Variants in PCDHGA9 observed in about 807,000 individuals in gnomAD.
The protein encoded by PCDHGA9 is protocadherin gamma-A9.
PCDHGA9 carries 37 observed loss-of-function variants against 62.5 expected under a neutral mutation model. That is an observed-to-expected ratio of 0.59 (90% CI 0.46 to 0.78). The LOEUF is 0.78. Ranked by LOEUF, PCDHGA9 falls within the 30% of genes least tolerant of loss-of-function variation. The pLI is 0.00. For synonymous variants in PCDHGA9, 459 were observed against 484.6 expected (o/e 0.95, Z 0.69); for missense variants, 1,138 against 1,166.2 (o/e 0.98, Z 0.35).
At position 141,403,830 on chromosome 5, in the gene PCDHGA9, A is replaced by G. The variant is rs763794433; in HGVS notation, c.878A>G (p.Gln293Arg). The change falls in exon 1 of 4, where the codon CAG (glutamine) becomes CGG (arginine). Residue 293 changes from glutamine to arginine, a missense_variant. By Grantham distance (43) the Gln-to-Arg change is conservative. Coordinates refer to ENST00000573521, the MANE Select transcript of PCDHGA9 (RefSeq NM_018921.3). ...KINEKQSLLFQLNENTGEIST... is the reference protein window; with the variant it reads ...KINEKQSLLFRLNENTGEIST... ...AATGAAAAACAATCTCTGCTATTCC[A>G]GCTTAATGAAAATACTGGGGAAATA... The G allele has an allele frequency of 3.7e-6, 6 of 1,613,754 alleles. No individual in the cohort carries two copies. In the Admixed American group the frequency reaches 5.0e-5, roughly 13 times the overall value.
chr5:141,404,490 T>G lies in PCDHGA9; in HGVS notation c.1538T>G (p.Val513Gly), dbSNP rs748668164. Residue 513 changes from valine (V) to glycine (G), a missense_variant, in exon 1 of 4, where the codon GTG becomes GGG. Val to Gly is a moderately radical substitution (Grantham distance 109). Transcript: ENST00000573521. ...TYVSINSDTG[V>G]LYALCSFDYE... Reference sequence around the variant, plus strand: ...GTCTCTATTAACTCAGACACTGGTGTGCTGTATGCTCTGTGCTCCTTTGAC... The same window carrying G: ...GTCTCTATTAACTCAGACACTGGTGGGCTGTATGCTCTGTGCTCCTTTGAC... 10 of 1,613,632 alleles carry G rather than the reference T, an allele frequency of 6.2e-6. No homozygotes were observed. The Admixed American group carries it at 1.2e-4, about 19-fold the overall frequency.
rs777924092 is a variant in PCDHGA9 at position 141,487,482 on chromosome 5, A to T, written c.2425-7325A>T. The T allele has an allele frequency of 1.2e-6, 2 of 1,614,164 alleles. No individual in the cohort carries two copies. Among genetic ancestry groups the T allele is most frequent in the South Asian group, 2.2e-5 (2 of 91,086 alleles). ...TTTGTTGATGTGGGAGGCCACTCTCATGGCTGTACACCCTTGGCTTCTGCA... is the reference window on the plus strand; with the variant it reads ...TTTGTTGATGTGGGAGGCCACTCTCTTGGCTGTACACCCTTGGCTTCTGCA... On this transcript the variant is annotated intron_variant, in intron 1 of 3. Coordinates refer to ENST00000573521, the MANE Select transcript of PCDHGA9 (RefSeq NM_018921.3). The surrounding 1 kb of genome is among the most constrained non-coding windows in gnomAD (Gnocchi z 5.0).
chr5:141,511,823 GC>G lies in PCDHGA9; in HGVS notation c.*653del, dbSNP rs2099883963. On this transcript the variant is annotated 3_prime_UTR_variant, in exon 4 of 4. Coordinates refer to ENST00000573521, the MANE Select transcript of PCDHGA9 (RefSeq NM_018921.3). The stretch of plus-strand genomic sequence containing the variant: ...TTTTGCTACCAAGCCTCTTCCCAAC[GC>G]CCTGGGGACCAGTCTTCTGTTTTGT... The G allele has an allele frequency of 6.4e-6, 1 of 156,728 alleles. No individual in the cohort carries two copies. The highest frequency in any genetic ancestry group is 1.9e-4 in the South Asian group (1 of 5,164). 9.7% of individuals were successfully genotyped at this position (156,728 alleles called of 1,614,324 possible).
intron 1 of PCDHGA9, among the ~76,000 whole-genome samples, chr5:141,435,395 C>T (rs946113643): frequency 5.3e-5 from 8 of 152,198 alleles, no homozygotes; most frequent in East Asian, 3.9e-4. Context: ...ATTGCCATGA[C>T]GAAAAATGGT....
At position 141,431,387 on chromosome 5, in the gene PCDHGA9, C is replaced by T; in HGVS notation, c.2424+26011C>T. The T allele has an allele frequency of 1.9e-6, 3 of 1,613,938 alleles. 1 individual carries two copies. The South Asian group carries it at 3.3e-5, about 18-fold the overall frequency. Reference sequence around the variant, plus strand: ...CCGCGAAGAAAAGGCTGCTCACCACCTGGTCCTTACGGCCTCCGACGGGGG... The same window carrying T: ...CCGCGAAGAAAAGGCTGCTCACCACTTGGTCCTTACGGCCTCCGACGGGGG... On this transcript the variant is annotated intron_variant, in intron 1 of 3. Coordinates refer to ENST00000573521, the MANE Select transcript of PCDHGA9 (RefSeq NM_018921.3). This position sits in a 1 kb window ranked among gnomAD's most constrained non-coding sequence, Gnocchi z 4.8.
At position 141,485,314 on chromosome 5, in the gene PCDHGA9, T is replaced by A. The variant is rs1292296791; in HGVS notation, c.2425-9493T>A. The A allele has an allele frequency of 1.2e-6, 2 of 1,614,150 alleles. No homozygotes were observed. The highest frequency in any genetic ancestry group is 1.7e-6 in the Non-Finnish European group (2 of 1,180,032). ...CACAGGAAGGGACTTTTGTAGGGAA[T>A]GTCGCTCAAGATTTCCTGCTGGATA... On this transcript the variant is annotated intron_variant, in intron 1 of 3. Coordinates refer to ENST00000573521, the MANE Select transcript of PCDHGA9 (RefSeq NM_018921.3). This position sits in a 1 kb window ranked among gnomAD's most constrained non-coding sequence, Gnocchi z 5.7.
At chr5:141,420,692 A>G (rs2096518268) in intron 1 of PCDHGA9, among the ~76,000 whole-genome samples, 1 of 152,228 alleles carries the variant, frequency 6.6e-6, no homozygotes, top group Admixed American at 6.5e-5. Context: ...GGACCGTATT[A>G]TTTCCACTTC....
rs1283050252 is a variant in PCDHGA9, at chr5:141,512,909, T to G, written c.*1736T>G. ...CCTCTTCCTGTGTCTCACGCAAGTT[T>G]TATACTCTAATATTTATATGGCTTT... On this transcript the variant is annotated 3_prime_UTR_variant, in exon 4 of 4. Coordinates refer to ENST00000573521, the MANE Select transcript of PCDHGA9 (RefSeq NM_018921.3). 6.6e-6 allele frequency: 1 copy of G among 152,268 alleles called. No homozygotes were observed. The highest frequency in any genetic ancestry group is 1.5e-5 in the Non-Finnish European group (1 of 68,056). 9.4% of individuals were successfully genotyped at this position (152,268 alleles called of 1,614,324 possible).
intron 1 of PCDHGA9, chr5:141,478,214 C>T (rs1258200424): frequency 6.2e-7 from 1 of 1,614,140 alleles, no homozygotes; most frequent in Admixed American, 1.7e-5. Flanking sequence ...TTCTCTAATC[C>T]TGGTTTCTGT....
intron 1 of PCDHGA9, chr5:141,415,153 G>T: frequency 2.5e-6 from 4 of 1,613,780 alleles, no homozygotes; most frequent in Non-Finnish European, 3.4e-6. Context: ...CCCTCTCTCC[G>T]CCACTGTCAC....
chr5:141,419,834 A>C, intron 1 of PCDHGA9: 1 of 1,614,072 alleles, frequency 6.2e-7, no homozygotes, highest in Non-Finnish European at 8.5e-7. Context: ...AGCCACTGCC[A>C]CGCTGCACCT....
Position 141,477,797 on chromosome 5 carries a change from A to G in PCDHGA9, c.2425-17010A>G. ...CGTGAACATATTTGTCACTGATCGC[A>G]ATGACAATGCCCCCCAGGTCCTATA... On this transcript the variant is annotated intron_variant, in intron 1 of 3. Coordinates refer to ENST00000573521, the MANE Select transcript of PCDHGA9 (RefSeq NM_018921.3). This position sits in a 1 kb window ranked among gnomAD's most constrained non-coding sequence, Gnocchi z 4.9. 1.2e-6 allele frequency: 2 copies of G among 1,614,082 alleles called. No individual in the cohort carries two copies. Among genetic ancestry groups the G allele is most frequent in the Non-Finnish European group, 1.7e-6 (2 of 1,180,032 alleles).
In PCDHGA9 at chr5:141,491,198, A is replaced by T. The variant is rs1344758185; in HGVS notation, c.2425-3609A>T. ...GTGGTCCTGGTGAGGGACAATGGTG[A>T]CCCTTCACTCTCCTCCACAGCCACA... On this transcript the variant is annotated intron_variant, in intron 1 of 3. Coordinates refer to ENST00000573521, the MANE Select transcript of PCDHGA9 (RefSeq NM_018921.3). This position sits in a 1 kb window ranked among gnomAD's most constrained non-coding sequence, Gnocchi z 6.9. 1.2e-6 allele frequency: 2 copies of T among 1,613,912 alleles called. No individual in the cohort carries two copies. The highest frequency in any genetic ancestry group is 1.3e-5 in the African/African-American group (1 of 74,866).
rs368153419 is a variant in PCDHGA9 at position 141,476,458 on chromosome 5, C to T, written c.2425-18349C>T. 1 of 1,614,044 alleles carries T rather than the reference C, an allele frequency of 6.2e-7. No homozygotes were observed. Among genetic ancestry groups the T allele is most frequent in the Non-Finnish European group, 8.5e-7 (1 of 1,180,014 alleles). On this transcript the variant is annotated intron_variant, in intron 1 of 3. Coordinates refer to ENST00000573521, the MANE Select transcript of PCDHGA9 (RefSeq NM_018921.3). The surrounding 1 kb of genome is among the most constrained non-coding windows in gnomAD (Gnocchi z 7.6). ...TAACTCTGGAGTTGGTAGTGGAGAA[C>T]CCGCTGGAGCTGTTCAGCGTGGAAG...
intron 1 of PCDHGA9, chr5:141,426,420 C>T (rs2096934904): frequency 3.5e-6 from 1 of 287,972 alleles, no homozygotes; most frequent in Non-Finnish European, 6.9e-6. Flanking sequence ...TCCAGGGCTC[C>T]GTGGTGGGGA....
chr5:141,404,701 G>C lies in PCDHGA9; in HGVS notation c.1749G>C (p.Glu583Asp), dbSNP rs563319884. The C allele has an allele frequency of 1.2e-6, 2 of 1,613,956 alleles. No individual in the cohort carries two copies. Among genetic ancestry groups the C allele is most frequent in the Non-Finnish European group, 1.7e-6 (2 of 1,180,002 alleles). Residue 583 changes from glutamate (E) to aspartate (D), a missense_variant, in exon 1 of 4, where the codon GAG becomes GAC. Glu to Asp is a conservative substitution (Grantham distance 45). Transcript: ENST00000573521. The part of the protein sequence containing the change: ...TGVELAPRSA[E>D]PGYLVTKVVA... ...TGGAGCTGGCACCCCGCTCTGCAGA[G>C]CCTGGCTACCTGGTGACCAAGGTGG...
At chr5:141,443,317 C>CA (rs35054295) in intron 1 of PCDHGA9, among the ~76,000 whole-genome samples, 76,100 of 141,790 alleles carry the variant, frequency 0.54, 21,234 homozygotes, top group African/African-American at 0.75. Flanking sequence ...CCCATCTCTA[C>CA]AAAAAAAAAA....
intron 1 of PCDHGA9, chr5:141,409,208 G>A: frequency 6.2e-7 from 1 of 1,613,984 alleles, no homozygotes; most frequent in South Asian, 1.1e-5. Context: ...AGTAATCATA[G>A]AAATCCTTGA....
At position 141,422,099 on chromosome 5, in the gene PCDHGA9, A is replaced by G. The variant is rs374091819; in HGVS notation, c.2424+16723A>G. ...CGGAACATGGAAAGCAAGGCTTCTG[A>G]AATATTCCAATTGGATTCACAAACT... On this transcript the variant is annotated intron_variant, in intron 1 of 3. Transcript: ENST00000573521. 1.9e-6 allele frequency: 3 copies of G among 1,609,706 alleles called. No homozygotes were observed. The African/African-American group carries it at 4.0e-5, about 22-fold the overall frequency.
Sources: allele counts gnomAD v4.1 joint callset (sites outside exome capture counted in the v4.1 genomes callset), GRCh38; gene constraint gnomAD v4.1.1; non-coding constraint Gnocchi (gnomAD v3.1); transcripts MANE v1.5; gene names NCBI Gene and HGNC (gene_info 2026-07-23, HGNC 2026-07-21).